SRPK1: variants seen among roughly 807,000 people sequenced by gnomAD.
The protein encoded by SRPK1 is SFRS protein kinase 1.
In SRPK1, 52 loss-of-function variants were observed where a neutral mutation model predicts 89.5. The observed-to-expected ratio is 0.58, with a 90% CI of 0.46 to 0.73. The LOEUF is 0.73. Ranked by LOEUF, SRPK1 falls within the 30% of genes least tolerant of loss-of-function variation. The probability of loss-of-function intolerance (pLI) is 0.00; values close to 1 mark genes in which losing one functional copy is unlikely to be tolerated. For missense variants in SRPK1, 603 were observed against 780.6 expected (o/e 0.77, Z 2.71); for synonymous variants, 255 against 270.2 (o/e 0.94, Z 0.55).
In SRPK1 at chr6:35,833,347, A is replaced by C. The variant is rs996496446; in HGVS notation, c.*1957T>G. 1 of 152,402 alleles carries C rather than the reference A, an allele frequency of 6.6e-6. No individual in the cohort carries two copies. The highest frequency in any genetic ancestry group is 1.5e-5 in the Non-Finnish European group (1 of 68,046). The allele number at this position is 152,402 out of a possible 1,614,324, so 9.4% of individuals were successfully genotyped here. On this transcript the variant is annotated 3_prime_UTR_variant, in exon 16 of 16. Transcript: ENST00000373825. ...GAAGTTACAGGTTCTATTAAAACTT[A>C]CTGTCACATCAACTGTTAAAATAGG... is the stretch of plus-strand genomic sequence containing the variant.
chr6:35,872,713 C>T lies in SRPK1; in HGVS notation c.601G>A (p.Asp201Asn). The change falls in exon 8 of 16, where the codon GAT becomes AAT. Residue 201 changes from aspartate to asparagine, a missense_variant. Physicochemically the swap from Asp to Asn is conservative, Grantham distance 23. Coordinates refer to ENST00000373825, the MANE Select transcript of SRPK1 (RefSeq NM_003137.5). ...KIIQQVLQGL[D>N]YLHTKCRIIH... Reference sequence around the variant, plus strand: ...ATACGGCACTTGGTATGTAAATAATCAAGACCCTGTAACACCTGAATGGAA... The same window carrying T: ...ATACGGCACTTGGTATGTAAATAATTAAGACCCTGTAACACCTGAATGGAA... 3 of 1,604,754 alleles carry T rather than the reference C, an allele frequency of 1.9e-6. No individual in the cohort carries two copies. The highest frequency in any genetic ancestry group is 2.6e-6 in the Non-Finnish European group (3 of 1,176,252).
chr6:35,870,141 A>G (rs982348486), intron 10 of SRPK1, 140 bp downstream of exon 10: 1 of 870,906 alleles, frequency 1.1e-6, no homozygotes, highest in African/African-American at 1.7e-5. Flanking sequence ...TTACCTGCCT[A>G]ACATTTATGA....
At chr6:35,868,099 A>T (rs1406678336) in intron 12 of SRPK1, among the ~76,000 whole-genome samples, 1 of 151,946 alleles carries the variant, frequency 6.6e-6, no homozygotes, top group Non-Finnish European at 1.5e-5. Context: ...CAGCCTCCCA[A>T]GTAGCTGGTA....
At chr6:35,898,997 C>A (rs970793178) in intron 2 of SRPK1, among the ~76,000 whole-genome samples, 6 of 152,034 alleles carry the variant, frequency 3.9e-5, no homozygotes, top group Non-Finnish European at 8.8e-5. Context: ...CCCGCCTCTA[C>A]TAAAAATACA....
Position 35,890,921 on chromosome 6 carries a change from T to A in SRPK1, c.167A>T (p.Gln56Leu), listed in dbSNP as rs1303405466. The A allele has an allele frequency of 6.4e-7, 1 of 1,552,820 alleles. No individual in the cohort carries two copies. Among genetic ancestry groups the A allele is most frequent in the East Asian group, 2.4e-5 (1 of 41,212 alleles). The change falls in exon 3 of 16, where the codon CAA (glutamine) becomes CTA (leucine). Residue 56 changes from glutamine (Q) to leucine (L), a missense_variant. Gln to Leu is a moderately radical substitution (Grantham distance 113, BLOSUM62 -2). Transcript: ENST00000373825. Reference sequence around the variant, plus strand: ...TTTACAATAATCATTAGGATCTTCTTGCTCATCATCATCAGATCCCAGAAT... The same window carrying A: ...TTTACAATAATCATTAGGATCTTCTAGCTCATCATCATCAGATCCCAGAAT... ...EEILGSDDDE[Q>L]EDPNDYCKGG... is the part of the protein sequence containing the mutation.
intron 5 of SRPK1, among the ~76,000 whole-genome samples, chr6:35,887,509 A>G (rs11968721): frequency 0.76 from 115,846 of 152,122 alleles, 45,087 homozygotes; most frequent in African/African-American, 0.94. Context: ...CTAATTCTGA[A>G]TTTAAGTTCC....
chr6:35,839,924 C>T (rs1032059849), intron 14 of SRPK1, among the ~76,000 whole-genome samples: 3 of 151,912 alleles, frequency 2.0e-5, no homozygotes, highest in Non-Finnish European at 2.9e-5. Flanking sequence ...AGTGATCTGC[C>T]GCCTTGGCCT....
chr6:35,874,616 C>G (rs1330720905), intron 6 of SRPK1, among the ~76,000 whole-genome samples: 2 of 152,090 alleles, frequency 1.3e-5, no homozygotes, highest in African/African-American at 4.8e-5. Context: ...AAAAGTGAAA[C>G]CTACATATGC....
chr6:35,857,379 G>T lies in SRPK1; in HGVS notation c.1513-11C>A. ...AGTGAAATGTTTGTGCTGAGAAAAT[G>T]AAGGAAACAATATTTTAAACTTCAT... On this transcript the variant is annotated splice_polypyrimidine_tract_variant and intron_variant, in intron 12 of 15. Transcript: ENST00000373825. 6.3e-7 allele frequency: 1 copy of T among 1,578,958 alleles called. No homozygotes were observed. The highest frequency in any genetic ancestry group is 8.7e-7 in the Non-Finnish European group (1 of 1,155,304).
chr6:35,884,198 C>T (rs1198082194), intron 6 of SRPK1, among the ~76,000 whole-genome samples: 1 of 152,006 alleles, frequency 6.6e-6, no homozygotes, highest in East Asian at 1.9e-4. Context: ...AAAAAGTATC[C>T]TAAAGACATA....
At position 35,901,946 on chromosome 6, in the gene SRPK1, CTAAGTT is replaced by C. The variant is rs139572980; in HGVS notation, c.75-10939_75-10934del. Among the ~76,000 whole-genome samples the C allele has an allele frequency of 3.4e-3, 514 of 152,134 alleles. 1 individual carries two copies. Among genetic ancestry groups the C allele is most frequent in the African/African-American group, 0.012 (483 of 41,508 alleles). On this transcript the variant is annotated intron_variant, in intron 2 of 15. Transcript: ENST00000373825. Reference sequence around the variant, plus strand: ...AATATAAAAATAAAAATCTGAGTGCCTAAGTTTATCAGGTGTTACATACAAATAAAT... The same window carrying C: ...AATATAAAAATAAAAATCTGAGTGCCTATCAGGTGTTACATACAAATAAAT...
Position 35,921,037 on chromosome 6 carries a change from C to T in SRPK1, c.13+7G>A, listed in dbSNP as rs1157324275. ...CCCCTCGTGGCGGAGGCCGCTCCAC[C>T]GCTCACCTTTCCGCTCCATGGTGAG... On this transcript the variant is annotated splice_region_variant and intron_variant, in intron 1 of 15. Transcript: ENST00000373825. The T allele has an allele frequency of 1.3e-6, 2 of 1,546,152 alleles. No individual in the cohort carries two copies. Among genetic ancestry groups the T allele is most frequent in the Non-Finnish European group, 1.7e-6 (2 of 1,148,748 alleles).
intron 12 of SRPK1, among the ~76,000 whole-genome samples, chr6:35,864,854 C>T (rs1357587538): frequency 6.6e-6 from 1 of 151,964 alleles, no homozygotes; most frequent in Non-Finnish European, 1.5e-5. Context: ...GCTATTCAGC[C>T]ATAAAAAAGA....
Position 35,865,022 on chromosome 6 carries a change from G to A in SRPK1, c.1512+3988C>T, listed in dbSNP as rs531073845. ...CAAGGACACAGAGAGTAGAAGGATGGTTACCAGAGGCTGGGAAGGGTAGCA... is the reference window on the plus strand; with the variant it reads ...CAAGGACACAGAGAGTAGAAGGATGATTACCAGAGGCTGGGAAGGGTAGCA... On this transcript the variant is annotated intron_variant, in intron 12 of 15. Transcript: ENST00000373825. Among the ~76,000 whole-genome samples, 3 of 152,278 alleles carry A rather than the reference G, an allele frequency of 2.0e-5. No homozygotes were observed. In the East Asian group the frequency reaches 5.8e-4, roughly 29 times the overall value.
intron 6 of SRPK1, among the ~76,000 whole-genome samples, chr6:35,886,032 T>C (rs1421444253): frequency 6.6e-6 from 1 of 152,028 alleles, no homozygotes; most frequent in Non-Finnish European, 1.5e-5. Context: ...TCCAGTTTCT[T>C]TCTTCCTTTC....
intron 2 of SRPK1, among the ~76,000 whole-genome samples, chr6:35,911,737 G>C (rs763511138): frequency 6.6e-6 from 1 of 151,682 alleles, no homozygotes; most frequent in African/African-American, 2.4e-5. Flanking sequence ...AGCAGAAAGC[G>C]GTTTCTTGAG....
chr6:35,914,136 C>T (rs1405371953), intron 2 of SRPK1, among the ~76,000 whole-genome samples: 3 of 151,760 alleles, frequency 2.0e-5, no homozygotes, highest in South Asian at 2.1e-4. Context: ...CCATGACGCC[C>T]GGCTAATTTT....
At chr6:35,898,663 C>T (rs564937075) in intron 2 of SRPK1, among the ~76,000 whole-genome samples, 2 of 152,108 alleles carry the variant, frequency 1.3e-5, no homozygotes, top group Admixed American at 6.5e-5. Context: ...ACTTGGGAGG[C>T]GGAGGTGGCA....
rs1478567888 is a variant in SRPK1 at position 35,869,588 on chromosome 6, C to A, written c.1305G>T (p.Gln435His). The change falls in exon 11 of 16, where the codon CAG becomes CAT. Residue 435 changes from glutamine (Q) to histidine (H), a missense_variant. By Grantham distance (24) the Gln-to-His change is conservative (BLOSUM62 0). Coordinates refer to ENST00000373825, the MANE Select transcript of SRPK1 (RefSeq NM_003137.5). The stretch of plus-strand genomic sequence containing the variant: ...GGCTAATGTGTTGTTCACTGAATGA[C>A]TGACCTACAGTTGAGGAAGACTGGC... ...MVCQSSSTVG[Q>H]SFSEQHISQL... The A allele has an allele frequency of 1.9e-6, 3 of 1,613,964 alleles. No homozygotes were observed. The highest frequency in any genetic ancestry group is 2.2e-5 in the East Asian group (1 of 44,886).
Sources: allele counts gnomAD v4.1 joint callset (sites outside exome capture counted in the v4.1 genomes callset), GRCh38; gene constraint gnomAD v4.1.1; transcripts MANE v1.5; gene names NCBI Gene and HGNC (gene_info 2026-07-23, HGNC 2026-07-21).